Variants in CNTNAP2 observed in about 807,000 individuals in gnomAD.
CNTNAP2 encodes contactin-associated protein-like 2.
A neutral mutation model predicts 155.2 loss-of-function variants in CNTNAP2; 98 were observed. That is an observed-to-expected ratio of 0.63 (90% CI 0.54 to 0.75). The LOEUF (loss-of-function observed/expected upper bound fraction) is 0.75. CNTNAP2 is among the 30% of genes least tolerant of loss of function. CNTNAP2 has a pLI of 0.00. For synonymous variants in CNTNAP2, 651 were observed against 631.2 expected (o/e 1.03, Z -0.47); for missense variants, 1,727 against 1,688.1 (o/e 1.02, Z -0.40).
intron 21 of CNTNAP2, among the ~76,000 whole-genome samples, chr7:148,334,699 C>T (rs1798086555): frequency 6.6e-6 from 1 of 152,130 alleles, no homozygotes; most frequent in Admixed American, 6.5e-5. Context: ...TTTGCCAGGC[C>T]CCAGAAGCAC....
chr7:147,940,301 T>TG, intron 14 of CNTNAP2: 1 of 19,796 alleles, frequency 5.1e-5, no homozygotes, highest in Non-Finnish European at 1.7e-4. Context: ...ACCCTGTCTC[T>TG]TTAAAAAAAA....
intron 1 of CNTNAP2, among the ~76,000 whole-genome samples, chr7:146,224,985 GA>G (rs901901702): frequency 9.4e-5 from 14 of 149,078 alleles, no homozygotes; most frequent in Non-Finnish European, 1.3e-4. Context: ...TGGATGAGAA[GA>G]AAAAAAAAAT....
intron 13 of CNTNAP2, among the ~76,000 whole-genome samples, chr7:147,813,743 G>A (rs1355054987): frequency 5.3e-5 from 8 of 152,140 alleles, no homozygotes; most frequent in Non-Finnish European, 5.9e-5. Context: ...GCACATGCAC[G>A]CACGGAGGAA....
intron 1 of CNTNAP2, among the ~76,000 whole-genome samples, chr7:146,534,583 G>A (rs1428523516): frequency 2.0e-5 from 3 of 151,904 alleles, no homozygotes; most frequent in Non-Finnish European, 2.9e-5. Flanking sequence ...GTAATCTAAC[G>A]GGGAAATAAG....
intron 3 of CNTNAP2, among the ~76,000 whole-genome samples, chr7:146,896,914 A>T (rs917687393): frequency 6.6e-6 from 1 of 152,068 alleles, no homozygotes; most frequent in Non-Finnish European, 1.5e-5. Flanking sequence ...AGATAACCAA[A>T]CTGGGCTAAA....
chr7:146,635,623 GC>G (rs1402154884), intron 1 of CNTNAP2, among the ~76,000 whole-genome samples: 2 of 152,176 alleles, frequency 1.3e-5, no homozygotes, highest in African/African-American at 4.8e-5. Context: ...TGGTTAAGCT[GC>G]ATGGGGTAGA....
intron 21 of CNTNAP2, among the ~76,000 whole-genome samples, chr7:148,363,951 G>A (rs900867450): frequency 6.6e-5 from 10 of 152,152 alleles, no homozygotes; most frequent in East Asian, 1.9e-4. Flanking sequence ...CTTAGCACCC[G>A]GGCCAGTGGC....
At chr7:147,933,602 C>T (rs1017411362) in intron 14 of CNTNAP2, among the ~76,000 whole-genome samples, 70 of 152,152 alleles carry the variant, frequency 4.6e-4, no homozygotes, top group African/African-American at 1.5e-3. Flanking sequence ...TGGTGGCTCA[C>T]ACCTGTAATC....
chr7:148,406,797 A>C lies in CNTNAP2; in HGVS notation c.3716-2594A>C, dbSNP rs887198496. Among the ~76,000 whole-genome samples the C allele has an allele frequency of 9.8e-5, 15 of 152,342 alleles. No individual in the cohort carries two copies. The South Asian group carries it at 2.9e-3, about 29-fold the overall frequency. On this transcript the variant is annotated intron_variant, in intron 22 of 23. Transcript: ENST00000361727. ...AGGGAATTGTATACATTCATAACCA[A>C]ATCTTCCTGTGCTTATGGTTTATGG...
intron 10 of CNTNAP2, 133 bp from the exon 11 acceptor site, chr7:147,485,802 C>G: frequency 1.2e-6 from 1 of 828,042 alleles, no homozygotes; most frequent in Non-Finnish European, 2.1e-6. Context: ...TCTGCTTAAA[C>G]TAACAAGGAT....
chr7:146,632,674 A>T lies in CNTNAP2; in HGVS notation c.98-141597A>T, dbSNP rs151038332. 2.5e-4 allele frequency among the ~76,000 whole-genome samples: 38 copies of T among 152,200 alleles called. No individual in the cohort carries two copies. In the East Asian group the frequency reaches 7.3e-3, roughly 29 times the overall value. On this transcript the variant is annotated intron_variant, in intron 1 of 23. Transcript: ENST00000361727. ...CCAAAACCTTTTGATCTGAAATATC[A>T]AAGATTATAAAAAATATTAGCCTAT...
At chr7:147,042,305 T>C (rs1799275226) in intron 3 of CNTNAP2, among the ~76,000 whole-genome samples, 1 of 152,212 alleles carries the variant, frequency 6.6e-6, no homozygotes, top group Admixed American at 6.5e-5. Flanking sequence ...ATAGACTAAA[T>C]ATTATCCATT....
chr7:146,183,235 T>G (rs756744793), intron 1 of CNTNAP2, among the ~76,000 whole-genome samples: 10 of 151,988 alleles, frequency 6.6e-5, no homozygotes, highest in Non-Finnish European at 1.2e-4. Flanking sequence ...TCTCACAATA[T>G]AAGGAGAAGA....
intron 13 of CNTNAP2, among the ~76,000 whole-genome samples, chr7:147,744,636 T>C (rs2373181): frequency 0.99 from 150,343 of 152,274 alleles, 74,253 homozygotes; most frequent in Middle Eastern, 1. Flanking sequence ...TCTCACAGTT[T>C]TAGAGGCTAG....
In CNTNAP2 at chr7:147,634,427, T is replaced by C. The variant is rs568160451; in HGVS notation, c.1898-4679T>C. Among the ~76,000 whole-genome samples the C allele has an allele frequency of 5.9e-5, 9 of 152,194 alleles. 1 individual carries two copies. In the South Asian group the frequency reaches 1.9e-3, roughly 32 times the overall value. On this transcript the variant is annotated intron_variant, in intron 12 of 23. Transcript: ENST00000361727. ...TGAAGACATAAAAGCATAACAATGA[T>C]ATAATGGACTTTGGGGACTTGGCGG...
chr7:148,357,065 A>C (rs1798531439), intron 21 of CNTNAP2, among the ~76,000 whole-genome samples: 1 of 152,036 alleles, frequency 6.6e-6, no homozygotes, highest in Admixed American at 6.6e-5. Context: ...ACCCCATGAT[A>C]TGGTTTGACT....
chr7:147,522,793 A>C (rs1040995983), intron 11 of CNTNAP2, among the ~76,000 whole-genome samples: 56 of 151,890 alleles, frequency 3.7e-4, no homozygotes, highest in Admixed American at 2.8e-3. Flanking sequence ...AAAACAAAAA[A>C]AAAAAAACCT....
At chr7:148,209,436 G>A (rs1795506757) in intron 18 of CNTNAP2, among the ~76,000 whole-genome samples, 2 of 151,712 alleles carry the variant, frequency 1.3e-5, no homozygotes, top group Admixed American at 1.3e-4. Flanking sequence ...CCCAGCCAAA[G>A]CTGAACTCTT....
At position 147,734,365 on chromosome 7, in the gene CNTNAP2, C is replaced by G. The variant is rs62480754; in HGVS notation, c.2098+95059C>G. ...CCAGCCTTGCATCCCAGGGATGAAG[C>G]CCACTTGATCATGGTGGATAAGCTT... On this transcript the variant is annotated intron_variant, in intron 13 of 23. Coordinates refer to ENST00000361727, the MANE Select transcript of CNTNAP2 (RefSeq NM_014141.6). Among the ~76,000 whole-genome samples, 383 of 152,226 alleles carry G rather than the reference C, an allele frequency of 2.5e-3. 1 individual carries two copies. The highest frequency in any genetic ancestry group is 0.017 in the Middle Eastern group (5 of 294).
Sources: gnomAD v4.1 joint callset for allele counts (sites outside exome capture counted in the v4.1 genomes callset) on GRCh38, gnomAD v4.1.1 for gene constraint, MANE v1.5 for transcripts, NCBI Gene and HGNC (gene_info 2026-07-23, HGNC 2026-07-21) for gene names.